RBFOX1: variants seen among roughly 807,000 people sequenced by gnomAD.
The protein encoded by RBFOX1 is RNA binding protein fox-1 homolog 1.
RBFOX1 carries 8 observed loss-of-function variants against 57.7 expected under a neutral mutation model. That is an observed-to-expected ratio of 0.14 (90% CI 0.08 to 0.25). The LOEUF is 0.25. Ranked by LOEUF, RBFOX1 falls within the 10% of genes least tolerant of loss-of-function variation. The probability of loss-of-function intolerance (pLI) is 1.00; values close to 1 mark genes in which losing one functional copy is unlikely to be tolerated. For synonymous variants in RBFOX1, 326 were observed against 222.4 expected (o/e 1.47, Z -4.15); for missense variants, 611 against 548.5 (o/e 1.11, Z -1.14).
At chr16:6,556,181 C>T (rs560448720) in intron 2 of RBFOX1, among the ~76,000 whole-genome samples, 1 of 152,260 alleles carries the variant, frequency 6.6e-6, no homozygotes, top group Admixed American at 6.5e-5. Flanking sequence ...ACGTGGGCGG[C>T]ATTGACTTCC....
chr16:6,174,790 A>G (rs2096990834), intron 1 of RBFOX1, among the ~76,000 whole-genome samples: 1 of 152,162 alleles, frequency 6.6e-6, no homozygotes, highest in Non-Finnish European at 1.5e-5. Flanking sequence ...CTCCTTTTGC[A>G]TCCTGTGGCT....
intron 2 of RBFOX1, among the ~76,000 whole-genome samples, chr16:6,615,327 T>C (rs2098126731): frequency 6.6e-6 from 1 of 152,172 alleles, no homozygotes. Context: ...TCTAGTACTT[T>C]GGGAGGCCAA....
intron 4 of RBFOX1, among the ~76,000 whole-genome samples, chr16:5,912,104 T>A (rs2058615435): frequency 6.6e-6 from 1 of 152,080 alleles, no homozygotes; most frequent in African/African-American, 2.4e-5. Flanking sequence ...AATAAGCATT[T>A]GGGGATTGGA....
chr16:6,507,222 A>C (rs1410860527), intron 2 of RBFOX1, among the ~76,000 whole-genome samples: 1 of 152,122 alleles, frequency 6.6e-6, no homozygotes, highest in Admixed American at 6.6e-5. Flanking sequence ...AATCCATTAT[A>C]CACATGATAG....
At chr16:6,935,558 G>A (rs9925878) in intron 3 of RBFOX1, among the ~76,000 whole-genome samples, 61,571 of 152,072 alleles carry the variant, frequency 0.4, 14,807 homozygotes, top group African/African-American at 0.68. Context: ...TTGCAGCCAA[G>A]ATCTGTTATC....
At chr16:6,388,945 C>G (rs1465464563) in intron 2 of RBFOX1, among the ~76,000 whole-genome samples, 1 of 152,132 alleles carries the variant, frequency 6.6e-6, no homozygotes, top group Non-Finnish European at 1.5e-5. Context: ...ATGGAGAGTT[C>G]AGGAGATGTT....
In RBFOX1 at chr16:7,306,439, A is replaced by G. The variant is rs1603617020; in HGVS notation, c.28-211708A>G. Among the ~76,000 whole-genome samples the G allele has an allele frequency of 2.6e-5, 4 of 152,282 alleles. No individual in the cohort carries two copies. The South Asian group carries it at 6.2e-4, about 24-fold the overall frequency. On this transcript the variant is annotated intron_variant, in intron 4 of 15. Coordinates refer to ENST00000550418, the MANE Select transcript of RBFOX1 (RefSeq NM_018723.4). ...ATTTAGAAGTGACTAAATCAGCATC[A>G]TGGTTCCATATGAAGATAGATGGAG...
chr16:5,655,811 G>A (rs1405685485), intron 3 of RBFOX1, among the ~76,000 whole-genome samples: 1 of 152,212 alleles, frequency 6.6e-6, no homozygotes, highest in Non-Finnish European at 1.5e-5. Flanking sequence ...TTAGGAGGAG[G>A]TGCTGTTGAA....
intron 4 of RBFOX1, among the ~76,000 whole-genome samples, chr16:7,219,377 A>C (rs1478181906): frequency 1.3e-5 from 2 of 152,190 alleles, no homozygotes; most frequent in African/African-American, 4.8e-5. Context: ...TTGGGTAAAC[A>C]CTGCCAACTC....
chr16:7,677,260 A>G (rs997564982), intron 14 of RBFOX1, among the ~76,000 whole-genome samples: 1 of 152,060 alleles, frequency 6.6e-6, no homozygotes, highest in Admixed American at 6.6e-5. Context: ...TTCAATTTCA[A>G]GCCCCTTTCC....
At chr16:6,576,323 C>G (rs568845365) in intron 2 of RBFOX1, among the ~76,000 whole-genome samples, 8 of 152,326 alleles carry the variant, frequency 5.3e-5, no homozygotes, top group East Asian at 3.9e-4. Context: ...TTTCCCCAAA[C>G]ACGCACATCT....
chr16:6,871,028 C>G (rs2060774287), intron 3 of RBFOX1, among the ~76,000 whole-genome samples: 1 of 152,166 alleles, frequency 6.6e-6, no homozygotes, highest in Non-Finnish European at 1.5e-5. Flanking sequence ...TATTGGAAAG[C>G]AAATGAAGTC....
chr16:6,571,325 G>C (rs970134552), intron 2 of RBFOX1, among the ~76,000 whole-genome samples: 2 of 152,172 alleles, frequency 1.3e-5, no homozygotes, highest in African/African-American at 4.8e-5. Context: ...AGCTGCAGGG[G>C]GTGACGGTGG....
intron 4 of RBFOX1, among the ~76,000 whole-genome samples, chr16:7,061,061 A>C (rs1215381811): frequency 6.6e-6 from 1 of 151,636 alleles, no homozygotes; most frequent in Admixed American, 6.6e-5. Flanking sequence ...CACACATACA[A>C]GGAAAAAACT....
Position 7,012,566 on chromosome 16 carries a change from T to C in RBFOX1, c.-15-39491T>C, listed in dbSNP as rs1265611512. On this transcript the variant is annotated intron_variant, in intron 3 of 15. Transcript: ENST00000550418. ...CCTTATTTCTGGTTTCCTTTCTCTC[T>C]TGTACAGTGTGATTTTTAAATGCTG... is the stretch of plus-strand genomic sequence containing the variant. Among the ~76,000 whole-genome samples the C allele has an allele frequency of 3.3e-5, 5 of 152,200 alleles. 1 individual carries two copies. Among genetic ancestry groups the C allele is most frequent in the Non-Finnish European group, 7.3e-5 (5 of 68,040 alleles).
At chr16:6,832,826 A>G (rs1479903325) in intron 3 of RBFOX1, among the ~76,000 whole-genome samples, 1 of 152,194 alleles carries the variant, frequency 6.6e-6, no homozygotes, top group Non-Finnish European at 1.5e-5. Flanking sequence ...TCATTTATTG[A>G]TTAAATAGTT....
chr16:5,301,637 AAC>A (rs1555484677), intron 1 of RBFOX1, among the ~76,000 whole-genome samples: 2 of 150,742 alleles, frequency 1.3e-5, no homozygotes, highest in South Asian at 4.2e-4. Flanking sequence ...AAAAAAAAAA[AAC>A]ACACAAAAAC....
intron 1 of RBFOX1, among the ~76,000 whole-genome samples, chr16:5,281,914 A>G (rs1434609064): frequency 2.6e-5 from 4 of 152,102 alleles, no homozygotes; most frequent in Non-Finnish European, 4.4e-5. Context: ...CCATATTCGA[A>G]GTTATTATTG....
At chr16:6,918,295 A>G (rs2073702423) in intron 3 of RBFOX1, among the ~76,000 whole-genome samples, 1 of 151,478 alleles carries the variant, frequency 6.6e-6, no homozygotes, top group South Asian at 2.1e-4. Flanking sequence ...AAAAAAAAAA[A>G]AGGAAACACA....
Sources: allele counts gnomAD v4.1 joint callset (sites outside exome capture counted in the v4.1 genomes callset), GRCh38; gene constraint gnomAD v4.1.1; transcripts MANE v1.5; gene names NCBI Gene and HGNC (gene_info 2026-07-23, HGNC 2026-07-21).